SMARCC1: variants seen among roughly 807,000 people sequenced by gnomAD.
SMARCC1 encodes the protein SWI/SNF related BAF chromatin remodeling complex subunit C1.
A neutral mutation model predicts 147.4 loss-of-function variants in SMARCC1; 43 were observed. That is an observed-to-expected ratio of 0.29 (90% confidence interval 0.23 to 0.38). The LOEUF (loss-of-function observed/expected upper bound fraction) is 0.38. Ranked by LOEUF, SMARCC1 falls within the 10% of genes least tolerant of loss-of-function variation. The probability of loss-of-function intolerance (pLI) is 1.00; values close to 1 mark genes in which losing one functional copy is unlikely to be tolerated. For synonymous variants in SMARCC1, 495 were observed against 484.4 expected (o/e 1.02, Z -0.29); for missense variants, 1,119 against 1,381.1 (o/e 0.81, Z 3.01).
intron 7 of SMARCC1, among the ~76,000 whole-genome samples, chr3:47,719,981 C>G (rs989077585): frequency 6.6e-6 from 1 of 151,356 alleles, no homozygotes; most frequent in Non-Finnish European, 1.5e-5. Flanking sequence ...ATGTGATCCA[C>G]CCACCTTGGC....
In SMARCC1 at chr3:47,742,365, C is replaced by T. The variant is rs1052399509; in HGVS notation, c.401+3543G>A. 6.6e-5 allele frequency among the ~76,000 whole-genome samples: 10 copies of T among 151,960 alleles called. No homozygotes were observed. In the East Asian group the frequency reaches 1.7e-3, roughly 26 times the overall value. ...TGGGCATGTGGGCACTAACAGTCAA[C>T]TCTCTATTACTTAATTGAACTTGGT... On this transcript the variant is annotated intron_variant, in intron 3 of 27. Coordinates refer to ENST00000254480, the MANE Select transcript of SMARCC1 (RefSeq NM_003074.4).
At chr3:47,755,026 G>A (rs1481328066) in intron 2 of SMARCC1, among the ~76,000 whole-genome samples, 1 of 152,108 alleles carries the variant, frequency 6.6e-6, no homozygotes, top group African/African-American at 2.4e-5. Context: ...CTGGATGACA[G>A]AGCAAGACTC....
At chr3:47,742,668 T>C (rs2034522578) in intron 3 of SMARCC1, among the ~76,000 whole-genome samples, 1 of 152,172 alleles carries the variant, frequency 6.6e-6, no homozygotes, top group Non-Finnish European at 1.5e-5. Context: ...CTGCAGCCTC[T>C]ACATCCTGAA....
At chr3:47,686,200 A>T (rs761193478) in intron 13 of SMARCC1, 30 bp from the exon 14 acceptor site, 1 of 1,586,240 alleles carries the variant, frequency 6.3e-7, no homozygotes, top group South Asian at 1.1e-5. Flanking sequence ...GTTCAAAGAA[A>T]GAAAGAACTA....
intron 21 of SMARCC1, among the ~76,000 whole-genome samples, chr3:47,645,824 A>G (rs1375615132): frequency 2.0e-5 from 3 of 152,226 alleles, no homozygotes; most frequent in Non-Finnish European, 2.9e-5. Flanking sequence ...CAAATTTGAA[A>G]TCAATTCTTT....
At position 47,751,110 on chromosome 3, in the gene SMARCC1, C is replaced by T. The variant is rs182347850; in HGVS notation, c.316-5117G>A. Reference sequence around the variant, plus strand: ...ACAGGGTTTCACCAGGTTGGCCAGGCTGGTCTTTAATTCCTGACCTTAGGT... The same window carrying T: ...ACAGGGTTTCACCAGGTTGGCCAGGTTGGTCTTTAATTCCTGACCTTAGGT... On this transcript the variant is annotated intron_variant, in intron 2 of 27. Coordinates refer to ENST00000254480, the MANE Select transcript of SMARCC1 (RefSeq NM_003074.4). Among the ~76,000 whole-genome samples the T allele has an allele frequency of 3.2e-4, 49 of 151,856 alleles. No individual in the cohort carries two copies. In the East Asian group the frequency reaches 7.7e-3, roughly 24 times the overall value.
At chr3:47,706,627 A>G in intron 9 of SMARCC1, 97 bp from the exon 10 acceptor site, 1 of 1,122,720 alleles carries the variant, frequency 8.9e-7, no homozygotes. Flanking sequence ...CAAAGACAAC[A>G]GCATATCCTT....
intron 2 of SMARCC1, among the ~76,000 whole-genome samples, chr3:47,766,384 G>A (rs1158902447): frequency 2.6e-5 from 4 of 151,772 alleles, no homozygotes; most frequent in African/African-American, 9.7e-5. Context: ...TGGGCAACAG[G>A]GCAAAACCCT....
chr3:47,676,631 G>A lies in SMARCC1; in HGVS notation c.1723C>T (p.Gln575Ter). 6.2e-7 allele frequency: 1 copy of A among 1,613,418 alleles called. No individual in the cohort carries two copies. Among genetic ancestry groups the A allele is most frequent in the Non-Finnish European group, 8.5e-7 (1 of 1,179,508 alleles). Residue 575 changes from glutamine to a stop codon, truncating the protein, a stop_gained and splice_region_variant, in exon 17 of 28, where the codon CAG (glutamine) becomes TAG (stop). Transcript: ENST00000254480. LOFTEE classifies it high-confidence loss of function. ...ATGAAAAGTCAACATTAATTTACCT[G>A]AGGTGATCGAAGATGCAGAGGCACA... is the stretch of plus-strand genomic sequence containing the variant. ...GLVPLHLRSPQVPAAQQMLNF... is the reference protein window; with the variant it reads ...GLVPLHLRSP
At chr3:47,688,330 G>A (rs2033753593) in intron 13 of SMARCC1, among the ~76,000 whole-genome samples, 1 of 148,454 alleles carries the variant, frequency 6.7e-6, no homozygotes. Flanking sequence ...TTAATCATAA[G>A]AACAATACAG....
At chr3:47,777,327 C>A (rs1327037708) in intron 1 of SMARCC1, among the ~76,000 whole-genome samples, 1 of 146,894 alleles carries the variant, frequency 6.8e-6, no homozygotes. Flanking sequence ...AGGTGATCTG[C>A]CCGCCTTGGC....
chr3:47,596,241 T>C (rs1470301739), intron 26 of SMARCC1, among the ~76,000 whole-genome samples: 2 of 151,954 alleles, frequency 1.3e-5, no homozygotes, highest in Non-Finnish European at 2.9e-5. Flanking sequence ...TAATTTTCTG[T>C]GGGATGGAAA....
chr3:47,768,267 T>C (rs1018018021), intron 2 of SMARCC1, among the ~76,000 whole-genome samples: 6 of 152,248 alleles, frequency 3.9e-5, no homozygotes, highest in Non-Finnish European at 8.8e-5. Context: ...CCATTATGGA[T>C]TGTATCAATC....
chr3:47,725,897 A>G (rs2034293334), intron 6 of SMARCC1, among the ~76,000 whole-genome samples: 1 of 151,730 alleles, frequency 6.6e-6, no homozygotes, highest in Admixed American at 6.6e-5. Context: ...CCCCGTCTCT[A>G]CTAAAAATAC....
At chr3:47,771,934 T>C (rs1400690698) in intron 2 of SMARCC1, among the ~76,000 whole-genome samples, 1 of 150,914 alleles carries the variant, frequency 6.6e-6, no homozygotes, top group African/African-American at 2.4e-5. Context: ...ATACAAAAAT[T>C]AGCTGGGTGT....
intron 24 of SMARCC1, among the ~76,000 whole-genome samples, chr3:47,632,267 G>A (rs2032901462): frequency 6.6e-6 from 1 of 152,084 alleles, no homozygotes; most frequent in Admixed American, 6.6e-5. Flanking sequence ...TATGAGGCCA[G>A]AGGAAAACAT....
At chr3:47,775,760 C>T (rs1169069836) in intron 1 of SMARCC1, among the ~76,000 whole-genome samples, 1 of 151,774 alleles carries the variant, frequency 6.6e-6, no homozygotes, top group Non-Finnish European at 1.5e-5. Flanking sequence ...CCTGGGTGCA[C>T]TCCAGCCTGG....
intron 2 of SMARCC1, among the ~76,000 whole-genome samples, chr3:47,759,169 G>A (rs1265616936): frequency 3.3e-5 from 5 of 151,634 alleles, no homozygotes; most frequent in African/African-American, 7.3e-5. Context: ...CCTCCCAAAC[G>A]CCTGGCTAAT....
chr3:47,712,951 C>T (rs2034106573), intron 8 of SMARCC1, among the ~76,000 whole-genome samples: 1 of 152,102 alleles, frequency 6.6e-6, no homozygotes, highest in Non-Finnish European at 1.5e-5. Context: ...TTACATGGCT[C>T]ATGAGTCACA....
Sources: allele counts gnomAD v4.1 joint callset (sites outside exome capture counted in the v4.1 genomes callset), GRCh38; gene constraint gnomAD v4.1.1; transcripts MANE v1.5; gene names NCBI Gene and HGNC (gene_info 2026-07-23, HGNC 2026-07-21).